VPS9D1: variants seen among roughly 807,000 people sequenced by gnomAD.
The protein encoded by VPS9D1 is VPS9 domain containing 1, also known as VPS9 domain-containing protein 1.
Under a neutral mutation model 75.8 loss-of-function variants are expected in VPS9D1, and 78 were observed. The observed-to-expected ratio is 1.03, with a 90% CI of 0.86 to 1.24. The LOEUF is 1.24. Ranked by LOEUF, VPS9D1 falls within the 50% of genes most tolerant of loss-of-function variation. The probability of loss-of-function intolerance (pLI) is 0.00; values close to 1 mark genes in which losing one functional copy is unlikely to be tolerated. For missense variants in VPS9D1, 1,057 were observed against 847.7 expected, an observed-to-expected ratio of 1.25 and a Z score of -3.07; for synonymous variants, 481 against 385.6, an observed-to-expected ratio of 1.25 and a Z score of -2.90.
chr16:89,708,833 A>G lies in VPS9D1; in HGVS notation c.1697+24T>C, dbSNP rs563507288. ...TTTCTAGGGCCCTTCCTCCCTGGCC[A>G]CACCTCGCCCTCCTGGGACTCACAT... On this transcript the variant is annotated intron_variant, in intron 13 of 14. Coordinates refer to ENST00000389386, the MANE Select transcript of VPS9D1 (RefSeq NM_004913.3). 6 of 1,562,820 alleles carry G rather than the reference A, an allele frequency of 3.8e-6. No individual in the cohort carries two copies. In the East Asian group the frequency reaches 1.4e-4, roughly 36 times the overall value.
chr16:89,712,442 G>A lies in VPS9D1; in HGVS notation c.606+18C>T, dbSNP rs200978273. On this transcript the variant is annotated intron_variant, in intron 6 of 14. Coordinates refer to ENST00000389386, the MANE Select transcript of VPS9D1 (RefSeq NM_004913.3). ...TGAGTTTCCCCTCGGGGACCACCAG[G>A]GCGGTCAGAAAGGCTGCTGTCTCCT... 13 of 1,612,518 alleles carry A rather than the reference G, an allele frequency of 8.1e-6. No homozygotes were observed. The African/African-American group carries it at 1.5e-4, about 18-fold the overall frequency.
At chr16:89,709,066 C>T (rs2060856816) in intron 12 of VPS9D1, 110 bp from the exon 13 acceptor site, 2 of 1,012,102 alleles carry the variant, frequency 2.0e-6, no homozygotes, top group African/African-American at 2.0e-5. Context: ...TGGGAAGAGC[C>T]ACGGTGACCC....
At chr16:89,717,667 C>G in intron 2 of VPS9D1, 1 of 456,582 alleles carries the variant, frequency 2.2e-6, no homozygotes, top group African/African-American at 2.0e-5. Context: ...CCGTCCCCAC[C>G]TTGCCAGACA....
rs1425810759 is a variant in VPS9D1, at chr16:89,720,851, G to A, written c.11C>T (p.Ala4Val). ...CGGCTTCACCGTGCCGTCCCCGGCC[G>A]CAGCGGCCATGGCGCCGAGCGGGGG... MAA[A>V]AGDGTVKPLQ... The change falls in exon 1 of 15, where the codon GCG (alanine) becomes GTG (valine). Residue 4 changes from alanine to valine, a missense_variant. Coordinates refer to ENST00000389386, the MANE Select transcript of VPS9D1 (RefSeq NM_004913.3). 4.9e-6 allele frequency: 7 copies of A among 1,418,388 alleles called. No individual in the cohort carries two copies. Among genetic ancestry groups the A allele is most frequent in the Admixed American group, 2.6e-5 (1 of 37,820 alleles). The allele number at this position is 1,418,388 out of a possible 1,614,324, so 87.9% of individuals were successfully genotyped here.
In VPS9D1 at chr16:89,709,904, T is replaced by C; in HGVS notation, c.1261A>G (p.Arg421Gly). The C allele has an allele frequency of 6.2e-7, 1 of 1,607,502 alleles. No individual in the cohort carries two copies. The highest frequency in any genetic ancestry group is 1.1e-5 in the South Asian group (1 of 90,196). The change falls in exon 11 of 15, where the codon AGG (arginine) becomes GGG (glycine). Residue 421 changes from arginine (R) to glycine (G), a missense_variant and splice_region_variant. Arg to Gly is a moderately radical substitution (Grantham distance 125, BLOSUM62 -2). Coordinates refer to ENST00000389386, the MANE Select transcript of VPS9D1 (RefSeq NM_004913.3). Reference protein sequence around the residue: ...AVEEIHNAVDRLLSLTLLAFE... With the variant: ...AVEEIHNAVDGLLSLTLLAFE... ...GCCAGAAGGGTCAGCGAGAGCAGCC[T>C]GTCTGCTAGGAACAGAGCCGGGGAC...
At chr16:89,711,683 T>TCGCCTCCTCGCTCTGCCCCGCCCC (rs1414972399) in intron 8 of VPS9D1, 199 bp downstream of exon 8, 1 of 700,648 alleles carries the variant, frequency 1.4e-6, no homozygotes, top group Non-Finnish European at 2.3e-6. Context: ...ACCCCTGACC[T>TCGCCTCCTCGCTCTGCCCCGCCCC]CGCCTCCTCG....
At chr16:89,708,573 C>G in intron 13 of VPS9D1, 42 bp from the exon 14 acceptor site, 6 of 1,579,612 alleles carry the variant, frequency 3.8e-6, no homozygotes, top group Non-Finnish European at 5.2e-6. Flanking sequence ...GGCCAGGAGC[C>G]TCTCACTCCG....
intron 1 of VPS9D1, 182 bp from the exon 2 acceptor site, chr16:89,719,284 G>A (rs1239024219): frequency 4.5e-6 from 3 of 663,146 alleles, no homozygotes; most frequent in African/African-American, 3.6e-5. Flanking sequence ...TCTGCGCAGG[G>A]CACAGGCAGC....
At chr16:89,709,973 C>T (rs1444644984) in intron 10 of VPS9D1, 67 bp from the exon 11 acceptor site, 1 of 1,527,846 alleles carries the variant, frequency 6.5e-7, no homozygotes. Flanking sequence ...GGCTCTAAGC[C>T]ACGGGGCCTT....
chr16:89,715,487 A>T (rs1238317528), intron 4 of VPS9D1, among the ~76,000 whole-genome samples: 1 of 151,098 alleles, frequency 6.6e-6, no homozygotes, highest in Non-Finnish European at 1.5e-5. Context: ...CGGCCTCCCA[A>T]AGTGCTGGGA....
At chr16:89,715,127 C>G (rs973759546) in intron 4 of VPS9D1, among the ~76,000 whole-genome samples, 1 of 152,198 alleles carries the variant, frequency 6.6e-6, no homozygotes, top group East Asian at 1.9e-4. Flanking sequence ...TGCTCTTCAG[C>G]TATATCTGCT....
Position 89,711,196 on chromosome 16 carries a change from G to A in VPS9D1, c.833+131C>T, listed in dbSNP as rs916788934. 1.4e-5 allele frequency: 17 copies of A among 1,179,894 alleles called. No homozygotes were observed. The East Asian group carries it at 2.4e-4, about 16-fold the overall frequency. The allele number at this position is 1,179,894 out of a possible 1,614,324, so 73.1% of individuals were successfully genotyped here. A position where few individuals can be genotyped will look rare whatever the true frequency, so the allele number is the denominator to read the frequency against. On this transcript the variant is annotated intron_variant, in intron 9 of 14. Transcript: ENST00000389386. ...CCGAGGAAACGCCCTCAGCGCAAAG[G>A]GAGCTGCAGTGTCCACGTGGCCGGG...
intron 12 of VPS9D1, 87 bp downstream of exon 12, chr16:89,709,138 CAA>C (rs1249497417): frequency 8.2e-6 from 13 of 1,575,834 alleles, no homozygotes; most frequent in Admixed American, 1.7e-5. Context: ...CGGCACGTGA[CAA>C]GAGAAGCTCA....
chr16:89,720,254 G>C (rs1427422282), intron 1 of VPS9D1: 1 of 327,518 alleles, frequency 3.1e-6, no homozygotes, highest in East Asian at 1.7e-4. Flanking sequence ...TTCTCTACCT[G>C]GTCGCCAACC....
In VPS9D1 at chr16:89,716,615, C is replaced by T. The variant is rs935123898; in HGVS notation, c.278G>A (p.Arg93His). ...AGCTGCAGGCATGGTTGGCTTCAGG[C>T]GTGTTTTCCCTGCAAGCCATGGGTA... ...QSTAAKLGKT[R>H]LKPTMPAAAP... The change falls in exon 4 of 15, where the codon CGC (arginine) becomes CAC (histidine). Residue 93 changes from arginine (R) to histidine (H), a missense_variant. Transcript: ENST00000389386. 22 of 1,613,024 alleles carry T rather than the reference C, an allele frequency of 1.4e-5. No individual in the cohort carries two copies. Among genetic ancestry groups the T allele is most frequent in the Admixed American group, 3.3e-5 (2 of 59,908 alleles).
At position 89,712,835 on chromosome 16, in the gene VPS9D1, G is replaced by C. The variant is rs2060968634; in HGVS notation, c.432-119C>G. 3.3e-6 allele frequency: 3 copies of C among 901,896 alleles called. No individual in the cohort carries two copies. The African/African-American group carries it at 5.1e-5, about 15-fold the overall frequency. 55.9% of individuals were successfully genotyped at this position (901,896 alleles called of 1,614,324 possible). ...GGCCAGGAGGTGAGGAGAAAGAGGA[G>C]GGGAGCCATCTGGGGTGGGCTGCAA... is the stretch of plus-strand genomic sequence containing the variant. On this transcript the variant is annotated intron_variant, in intron 4 of 14. Transcript: ENST00000389386.
At chr16:89,719,317 A>G in intron 1 of VPS9D1, 1 of 633,592 alleles carries the variant, frequency 1.6e-6, no homozygotes, top group Non-Finnish European at 2.9e-6. Context: ...CAGACTTGGA[A>G]AAGACATCAG....
At chr16:89,717,470 C>T (rs2061101697) in intron 2 of VPS9D1, 1 of 439,070 alleles carries the variant, frequency 2.3e-6, no homozygotes, top group African/African-American at 2.0e-5. Flanking sequence ...CTCTGCGCGA[C>T]CATGGACCTG....
intron 9 of VPS9D1, 106 bp downstream of exon 9, chr16:89,711,221 G>T: frequency 1.5e-6 from 2 of 1,316,230 alleles, no homozygotes; most frequent in Non-Finnish European, 2.1e-6. Context: ...ACGTGGCCGG[G>T]CACAGGCTCC....
Sources: allele counts gnomAD v4.1 joint callset (sites outside exome capture counted in the v4.1 genomes callset), GRCh38; gene constraint gnomAD v4.1.1; transcripts MANE v1.5; gene names NCBI Gene and HGNC (gene_info 2026-07-23, HGNC 2026-07-21).